The following SRRM4 variants were observed in gnomAD, a reference collection of about 807,000 sequenced individuals.
SRRM4 encodes serine/arginine repetitive matrix protein 4.
A neutral mutation model predicts 68.9 loss-of-function variants in SRRM4; 33 were observed. The observed-to-expected ratio is 0.48, with a 90% CI of 0.36 to 0.64. The LOEUF is 0.64. Ranked by LOEUF, SRRM4 falls within the 30% of genes least tolerant of loss-of-function variation. SRRM4 has a pLI of 0.00. For synonymous variants in SRRM4, 318 were observed against 318.8 expected (o/e 1.00, Z 0.03); for missense variants, 817 against 827.1 (o/e 0.99, Z 0.15).
At chr12:119,122,308 A>AAGGCAGGAAGGC in intron 6 of SRRM4, among the ~76,000 whole-genome samples, 188 bp downstream of exon 6, 1 of 128,972 alleles carries the variant, frequency 7.8e-6, no homozygotes, top group Non-Finnish European at 1.7e-5. Context: ...GGAAGGAAGG[A>AAGGCAGGAAGGC]AGGAAGGAAG....
chr12:118,985,974 C>T (rs984625834), intron 1 of SRRM4, among the ~76,000 whole-genome samples: 1 of 152,162 alleles, frequency 6.6e-6, no homozygotes, highest in African/African-American at 2.4e-5. Flanking sequence ...ATTCTTTTAG[C>T]AAGCTATTAA....
At chr12:119,067,618 G>A (rs969726454) in intron 1 of SRRM4, among the ~76,000 whole-genome samples, 7 of 152,200 alleles carry the variant, frequency 4.6e-5, no homozygotes, top group African/African-American at 1.7e-4. Flanking sequence ...TCAGGCAGGA[G>A]AATCACTTGA....
At chr12:119,116,858 G>T in intron 3 of SRRM4, 79 bp from the exon 4 acceptor site, 2 of 1,194,986 alleles carry the variant, frequency 1.7e-6, no homozygotes, top group South Asian at 2.6e-5. Flanking sequence ...CCTGTATAAG[G>T]ACTGGGGAAG....
At chr12:118,998,713 T>C (rs1016783590) in intron 1 of SRRM4, among the ~76,000 whole-genome samples, 3 of 152,238 alleles carry the variant, frequency 2.0e-5, no homozygotes, top group Non-Finnish European at 4.4e-5. Flanking sequence ...TGATAATTAC[T>C]GTGAAATACA....
intron 7 of SRRM4, among the ~76,000 whole-genome samples, chr12:119,129,960 G>A (rs201588764): frequency 0.02 from 2,664 of 134,506 alleles, 59 homozygotes; most frequent in East Asian, 0.097. Context: ...TGGAAGGAAG[G>A]ACAGATGGAT....
rs537075808 is a variant in SRRM4 at position 119,131,957 on chromosome 12, A to G, written c.771+1123A>G. On this transcript the variant is annotated intron_variant, in intron 8 of 12. Coordinates refer to ENST00000267260, the MANE Select transcript of SRRM4 (RefSeq NM_194286.4). ...GTTCAGGGGTGCTTGTGGGGATGTC[A>G]AGAAAGGGAAAGCAATGACAACGGT... Among the ~76,000 whole-genome samples, 7 of 152,330 alleles carry G rather than the reference A, an allele frequency of 4.6e-5. No homozygotes were observed. The South Asian group carries it at 1.5e-3, about 32-fold the overall frequency.
intron 7 of SRRM4, among the ~76,000 whole-genome samples, chr12:119,126,659 G>C (rs1300884234): frequency 6.6e-6 from 1 of 152,182 alleles, no homozygotes; most frequent in African/African-American, 2.4e-5. Context: ...ACCTGAGAAG[G>C]CATCTTGTTG....
intron 1 of SRRM4, among the ~76,000 whole-genome samples, chr12:119,064,116 A>C (rs1953830983): frequency 6.6e-6 from 1 of 152,196 alleles, no homozygotes; most frequent in Admixed American, 6.5e-5. Context: ...TTGATTTACA[A>C]CTCAAATAGG....
At chr12:119,046,255 G>C (rs1021583121) in intron 1 of SRRM4, among the ~76,000 whole-genome samples, 3 of 151,952 alleles carry the variant, frequency 2.0e-5, no homozygotes, top group African/African-American at 4.8e-5. Flanking sequence ...TGGGCCCCTG[G>C]GAGCAGGAGG....
intron 1 of SRRM4, among the ~76,000 whole-genome samples, chr12:119,034,775 A>G (rs1280531529): frequency 2.0e-5 from 3 of 152,068 alleles, no homozygotes; most frequent in Admixed American, 1.3e-4. Context: ...GCTTGTGGAC[A>G]CTTTCGTCCC....
rs148895684 is a variant in SRRM4, at chr12:119,005,602, C to T, written c.131+23589C>T. ...TTATAACTGTGTCCTTCAGCAGTCACGTGGGCTTCAGTCTCCTTCTTCTGT... is the reference window on the plus strand; with the variant it reads ...TTATAACTGTGTCCTTCAGCAGTCATGTGGGCTTCAGTCTCCTTCTTCTGT... On this transcript the variant is annotated intron_variant, in intron 1 of 12. Coordinates refer to ENST00000267260, the MANE Select transcript of SRRM4 (RefSeq NM_194286.4). Among the ~76,000 whole-genome samples, 376 of 152,298 alleles carry T rather than the reference C, an allele frequency of 2.5e-3. 3 individuals are homozygous for T. Among genetic ancestry groups the T allele is most frequent in the African/African-American group, 8.4e-3 (350 of 41,560 alleles).
At chr12:119,087,961 G>A (rs1464902833) in intron 1 of SRRM4, among the ~76,000 whole-genome samples, 2 of 152,114 alleles carry the variant, frequency 1.3e-5, no homozygotes. Flanking sequence ...AGTTTACTAT[G>A]GGACTTAAAT....
chr12:119,139,365 T>C (rs1954350493), intron 8 of SRRM4, among the ~76,000 whole-genome samples: 1 of 152,194 alleles, frequency 6.6e-6, no homozygotes, highest in East Asian at 1.9e-4. Flanking sequence ...CTCAATTGTA[T>C]CTTCTTTCCT....
chr12:119,008,363 C>CA (rs201771244), intron 1 of SRRM4, among the ~76,000 whole-genome samples: 28,401 of 128,880 alleles, frequency 0.22, 3,184 homozygotes, highest in African/African-American at 0.31. Flanking sequence ...GATCCTGTCT[C>CA]AAAAAAAAAA....
intron 2 of SRRM4, among the ~76,000 whole-genome samples, chr12:119,113,552 T>C (rs957346747): frequency 6.6e-6 from 1 of 152,192 alleles, no homozygotes; most frequent in Non-Finnish European, 1.5e-5. Context: ...ACAATATTAG[T>C]AGTAAGATTA....
At chr12:119,155,774 C>T (rs1954467771) in intron 12 of SRRM4, among the ~76,000 whole-genome samples, 1 of 152,160 alleles carries the variant, frequency 6.6e-6, no homozygotes, top group Non-Finnish European at 1.5e-5. Flanking sequence ...CAATATAATT[C>T]CTAGCATAAT....
chr12:119,040,501 A>C (rs919993404), intron 1 of SRRM4, among the ~76,000 whole-genome samples: 1 of 152,240 alleles, frequency 6.6e-6, no homozygotes, highest in Non-Finnish European at 1.5e-5. Flanking sequence ...CTCCAGTCTC[A>C]TCCAGGTCAT....
At chr12:119,143,484 T>C (rs1406116875) in intron 8 of SRRM4, among the ~76,000 whole-genome samples, 13 of 152,320 alleles carry the variant, frequency 8.5e-5, no homozygotes, top group Non-Finnish European at 1.3e-4. Flanking sequence ...ACCTTCAAAA[T>C]GATCTGAAAG....
chr12:119,084,062 T>C (rs1953965556), intron 1 of SRRM4, among the ~76,000 whole-genome samples: 1 of 152,186 alleles, frequency 6.6e-6, no homozygotes, highest in Non-Finnish European at 1.5e-5. Flanking sequence ...GCAAGCGCTA[T>C]TACACTTCCC....
Sources: allele counts gnomAD v4.1 joint callset (sites outside exome capture counted in the v4.1 genomes callset), GRCh38; gene constraint gnomAD v4.1.1; transcripts MANE v1.5; gene names NCBI Gene and HGNC (gene_info 2026-07-23, HGNC 2026-07-21).